The following CEP295 variants were observed in gnomAD, a reference collection of about 807,000 sequenced individuals.
The protein encoded by CEP295 is centrosomal protein 295, also known as centrosomal protein of 295 kDa.
In CEP295, 190 loss-of-function variants were observed where a neutral mutation model predicts 291.6. The observed-to-expected ratio is 0.65, with a 90% CI of 0.58 to 0.73. The LOEUF is 0.73. Ranked by LOEUF, CEP295 falls within the 30% of genes least tolerant of loss-of-function variation. The pLI is 0.00. For missense variants in CEP295, 2,863 were observed against 2,949.4 expected (o/e 0.97, Z 0.68); for synonymous variants, 993 against 1,038.8 (o/e 0.96, Z 0.85).
At chr11:93,696,069 G>A (rs58111338) in intron 13 of CEP295, among the ~76,000 whole-genome samples, 4,139 of 151,984 alleles carry the variant, frequency 0.027, 123 homozygotes, top group African/African-American at 0.067. Context: ...CATCAGTTAC[G>A]GCTTTCATCT....
intron 5 of CEP295, among the ~76,000 whole-genome samples, chr11:93,671,141 C>G (rs1950427256): frequency 6.6e-6 from 1 of 152,168 alleles, no homozygotes; most frequent in Admixed American, 6.6e-5. Context: ...CCTCTGCCTC[C>G]CAAAGTGCTA....
intron 15 of CEP295, among the ~76,000 whole-genome samples, chr11:93,701,724 C>T (rs1196155473): frequency 6.6e-6 from 1 of 152,030 alleles, no homozygotes; most frequent in African/African-American, 2.4e-5. Flanking sequence ...CTGCCTCAGC[C>T]TCCCGGGTAG....
At chr11:93,715,517 G>A (rs989277211) in intron 18 of CEP295, among the ~76,000 whole-genome samples, 4 of 152,104 alleles carry the variant, frequency 2.6e-5, no homozygotes, top group African/African-American at 9.7e-5. Context: ...GCAAGGCAAA[G>A]TCCCCTTTAT....
At chr11:93,694,941 T>G (rs1396732457) in intron 12 of CEP295, among the ~76,000 whole-genome samples, 1 of 152,176 alleles carries the variant, frequency 6.6e-6, no homozygotes, top group Non-Finnish European at 1.5e-5. Context: ...TTCATATTAC[T>G]TAGAGTGTGA....
chr11:93,668,799 T>C lies in CEP295; in HGVS notation c.310-9T>C. On this transcript the variant is annotated splice_polypyrimidine_tract_variant and intron_variant, in intron 3 of 29. Coordinates refer to ENST00000325212, the MANE Select transcript of CEP295 (RefSeq NM_033395.2). ...TTAACATGACATTTTAAGTAATATA[T>C]ATTTTTAGGAACCTGATTTGGATGC... The C allele has an allele frequency of 6.6e-7, 1 of 1,504,262 alleles. No individual in the cohort carries two copies. The highest frequency in any genetic ancestry group is 8.9e-7 in the Non-Finnish European group (1 of 1,124,778). 93.2% of individuals were successfully genotyped at this position (1,504,262 alleles called of 1,614,324 possible).
chr11:93,699,738 C>T lies in CEP295; in HGVS notation c.4826C>T (p.Ala1609Val), dbSNP rs1037424628. The T allele has an allele frequency of 4.5e-6, 7 of 1,551,742 alleles. No homozygotes were observed. The highest frequency in any genetic ancestry group is 5.2e-6 in the Non-Finnish European group (6 of 1,147,018). Residue 1609 changes from alanine (A) to valine (V), a missense_variant, in exon 15 of 30, where the codon GCA becomes GTA. This residue lies in a region of CEP295 where 2,295 missense variants were observed against 2,335.7 expected (regional missense o/e 0.98). Coordinates refer to ENST00000325212, the MANE Select transcript of CEP295 (RefSeq NM_033395.2). Reference sequence around the variant, plus strand: ...GATAATATGACAGCACAATTGGATGCACAAAGGGAAGTGATGTATTCTTAT... The same window carrying T: ...GATAATATGACAGCACAATTGGATGTACAAAGGGAAGTGATGTATTCTTAT... ...QQDNMTAQLD[A>V]QREVMYSYEK...
chr11:93,695,350 TAAC>T, intron 12 of CEP295, 144 bp from the exon 13 acceptor site: 1 of 471,682 alleles, frequency 2.1e-6, no homozygotes. Context: ...CTGTCAGTGA[TAAC>T]AACAGAGATA....
Position 93,729,601 on chromosome 11 carries a change from T to C in CEP295, c.7400-13T>C, listed in dbSNP as rs189752383. On this transcript the variant is annotated splice_polypyrimidine_tract_variant and intron_variant, in intron 26 of 29. Transcript: ENST00000325212. Reference sequence around the variant, plus strand: ...TTGCCTATTTCTGTCATAAATTTCTTTTCCCCCAGCAGAAACCCCTCGCAG... The same window carrying C: ...TTGCCTATTTCTGTCATAAATTTCTCTTCCCCCAGCAGAAACCCCTCGCAG... 2.6e-6 allele frequency: 4 copies of C among 1,550,036 alleles called. No homozygotes were observed. The highest frequency in any genetic ancestry group is 1.7e-4 in the Middle Eastern group (1 of 5,980).
chr11:93,726,192 G>GCAAT (rs1437737695), intron 23 of CEP295, among the ~76,000 whole-genome samples: 1 of 152,112 alleles, frequency 6.6e-6, no homozygotes, highest in Non-Finnish European at 1.5e-5. Context: ...GTGCAGTGGT[G>GCAAT]CAATCTTGGC....
chr11:93,693,604 A>G (rs1951700870), intron 12 of CEP295, among the ~76,000 whole-genome samples: 1 of 152,114 alleles, frequency 6.6e-6, no homozygotes, highest in Admixed American at 6.5e-5. Context: ...AAAAATACAA[A>G]AAGTATCTGG....
At chr11:93,690,560 C>CA (rs756087606) in intron 10 of CEP295, among the ~76,000 whole-genome samples, 1,422 of 53,072 alleles carry the variant, frequency 0.027, 48 homozygotes, top group African/African-American at 0.083. Context: ...CTCTGTCTCA[C>CA]AAAAAAAAAA....
In CEP295 at chr11:93,700,755, T is replaced by A. The variant is rs138138097; in HGVS notation, c.5274+569T>A. 1.5e-3 allele frequency among the ~76,000 whole-genome samples: 225 copies of A among 152,322 alleles called. 1 individual carries two copies. The highest frequency in any genetic ancestry group is 5.1e-3 in the African/African-American group (214 of 41,578). On this transcript the variant is annotated intron_variant, in intron 15 of 29. Coordinates refer to ENST00000325212, the MANE Select transcript of CEP295 (RefSeq NM_033395.2). ...AATGTAGATTCTTATTTTAGAGTTT[T>A]GTTTTAATGTATTTTAAGCTTACCA...
At position 93,728,511 on chromosome 11, in the gene CEP295, T is replaced by C; in HGVS notation, c.7162-170T>C. On this transcript the variant is annotated intron_variant, in intron 24 of 29. Coordinates refer to ENST00000325212, the MANE Select transcript of CEP295 (RefSeq NM_033395.2). ...TATTTCTACAACTGAATGCTGGAGT[T>C]ATGGAAGCCTAAGGAAATCTGATCT... The C allele has an allele frequency of 7.7e-6, 4 of 516,800 alleles. No homozygotes were observed. In the South Asian group the frequency reaches 1.1e-4, roughly 14 times the overall value. The allele number at this position is 516,800 out of a possible 1,614,324, so 32.0% of individuals were successfully genotyped here.
intron 18 of CEP295, among the ~76,000 whole-genome samples, chr11:93,707,743 C>G (rs916839685): frequency 6.6e-6 from 1 of 151,218 alleles, no homozygotes. Context: ...AGCGAGACTC[C>G]GAGACTCCAT....
At chr11:93,694,143 T>C (rs1396951802) in intron 12 of CEP295, among the ~76,000 whole-genome samples, 1 of 152,226 alleles carries the variant, frequency 6.6e-6, no homozygotes, top group Non-Finnish European at 1.5e-5. Context: ...ACATTTTTTA[T>C]TTTGAAAACA....
intron 17 of CEP295, 85 bp downstream of exon 17, chr11:93,703,004 C>A (rs987514567): frequency 1.8e-5 from 21 of 1,136,168 alleles, no homozygotes; most frequent in Non-Finnish European, 2.5e-5. Flanking sequence ...TGCTCTGTTG[C>A]CCAGGCTGGA....
intron 18 of CEP295, among the ~76,000 whole-genome samples, chr11:93,716,605 G>T (rs1219896611): frequency 3.3e-5 from 5 of 152,222 alleles, no homozygotes; most frequent in African/African-American, 1.2e-4. Flanking sequence ...TAAAGACTGG[G>T]CGCAGAACAA....
intron 5 of CEP295, among the ~76,000 whole-genome samples, chr11:93,671,894 T>C (rs1950467967): frequency 6.6e-6 from 1 of 152,246 alleles, no homozygotes; most frequent in African/African-American, 2.4e-5. Flanking sequence ...GACTGTTTAG[T>C]CTTCTCAAAC....
intron 18 of CEP295, among the ~76,000 whole-genome samples, chr11:93,712,944 AT>A (rs1326832638): frequency 5.8e-4 from 71 of 122,038 alleles, no homozygotes; most frequent in Middle Eastern, 4.4e-3. Flanking sequence ...CTTGCTTTTT[AT>A]TTTTTTTTTT....
Sources: allele counts gnomAD v4.1 joint callset (sites outside exome capture counted in the v4.1 genomes callset), GRCh38; gene constraint gnomAD v4.1.1; regional missense constraint gnomAD v4.1.1; transcripts MANE v1.5; gene names NCBI Gene and HGNC (gene_info 2026-07-23, HGNC 2026-07-21).